The following BARD1 variants were observed in gnomAD, a reference collection of about 807,000 sequenced individuals.
The protein encoded by BARD1 is BRCA1 associated RING domain 1.
BARD1 carries 73 observed loss-of-function variants against 77.0 expected under a neutral mutation model. That is an observed-to-expected ratio of 0.95 (90% confidence interval 0.79 to 1.15). The LOEUF (loss-of-function observed/expected upper bound fraction) is 1.15, where lower values mean the gene tolerates loss of function less well. Among genes scored for constraint, BARD1 ranks in the 50% most tolerant of loss-of-function variants. BARD1 has a pLI of 0.00. For synonymous variants in BARD1, 384 were observed against 338.0 expected, an observed-to-expected ratio of 1.14 and a Z score of -1.49; for missense variants, 993 against 938.8, an observed-to-expected ratio of 1.06 and a Z score of -0.75.
intron 7 of BARD1, among the ~76,000 whole-genome samples, chr2:214,746,199 T>C (rs1394953204): frequency 6.6e-6 from 1 of 152,136 alleles, no homozygotes; most frequent in Admixed American, 6.6e-5. Flanking sequence ...AATTCCCTAT[T>C]CCACCTCCAC....
intron 6 of BARD1, among the ~76,000 whole-genome samples, chr2:214,764,028 G>T (rs1323292966): frequency 1.3e-5 from 2 of 152,168 alleles, no homozygotes; most frequent in Non-Finnish European, 2.9e-5. Flanking sequence ...ACATGCCATG[G>T]ATGCCAATTG....
intron 9 of BARD1, among the ~76,000 whole-genome samples, chr2:214,734,276 G>T (rs1692476407): frequency 6.6e-6 from 1 of 151,972 alleles, no homozygotes; most frequent in African/African-American, 2.4e-5. Context: ...CAGAGTTTTA[G>T]CCATTTATAG....
chr2:214,747,877 TAAAATAA>T (rs1298268111), intron 7 of BARD1, among the ~76,000 whole-genome samples: 2 of 150,862 alleles, frequency 1.3e-5, no homozygotes, highest in African/African-American at 4.9e-5. Context: ...TAAAATAAAA[TAAAATAA>T]AAAATAAAAA....
At chr2:214,754,205 G>A (rs1357870427) in intron 6 of BARD1, among the ~76,000 whole-genome samples, 1 of 151,456 alleles carries the variant, frequency 6.6e-6, no homozygotes, top group South Asian at 2.1e-4. Context: ...AAACCACCAA[G>A]TGCAAAAATG....
At chr2:214,779,183 A>G (rs1484487129) in intron 4 of BARD1, among the ~76,000 whole-genome samples, 1 of 152,168 alleles carries the variant, frequency 6.6e-6, no homozygotes, top group Non-Finnish European at 1.5e-5. Flanking sequence ...CACTGGTATC[A>G]GAAATAGAGT....
chr2:214,775,278 C>A (rs1316747980), intron 4 of BARD1, among the ~76,000 whole-genome samples: 1 of 152,132 alleles, frequency 6.6e-6, no homozygotes, highest in Non-Finnish European at 1.5e-5. Context: ...AGTGACTCTT[C>A]CTTCCACTTG....
At chr2:214,737,914 G>T (rs1331472936) in intron 9 of BARD1, among the ~76,000 whole-genome samples, 2 of 151,746 alleles carry the variant, frequency 1.3e-5, no homozygotes, top group Non-Finnish European at 2.9e-5. Context: ...CATCAGTTTA[G>T]TAGAAAGATG....
In BARD1 at chr2:214,725,700, G is replaced by A. The variant is rs1692055518; in HGVS notation, c.*2976C>T. On this transcript the variant is annotated 3_prime_UTR_variant, in exon 11 of 11. Transcript: ENST00000260947. ...GTTTGATGTGCGTATCTTTGAAAAG[G>A]GTTGACTTATAAAGAAATACATGAA... is the stretch of plus-strand genomic sequence containing the variant. 4.5e-6 allele frequency: 1 copy of A among 221,768 alleles called. No individual in the cohort carries two copies. Among genetic ancestry groups the A allele is most frequent in the Non-Finnish European group, 9.0e-6 (1 of 110,934 alleles). 13.7% of individuals were successfully genotyped at this position (221,768 alleles called of 1,614,324 possible).
At chr2:214,767,072 G>A (rs556636470) in intron 6 of BARD1, among the ~76,000 whole-genome samples, 11 of 152,172 alleles carry the variant, frequency 7.2e-5, no homozygotes, top group South Asian at 2.1e-4. Flanking sequence ...GAGAACATGC[G>A]GTATTTGGTT....
At chr2:214,729,078 G>A in intron 10 of BARD1, 70 bp from the exon 11 acceptor site, 3 of 1,420,052 alleles carry the variant, frequency 2.1e-6, no homozygotes, top group Non-Finnish European at 2.0e-6. Context: ...GTATATGAAT[G>A]AGGAAAATAA....
At chr2:214,790,950 T>G (rs181653843) in intron 3 of BARD1, among the ~76,000 whole-genome samples, 126 of 152,286 alleles carry the variant, frequency 8.3e-4, no homozygotes, top group African/African-American at 3.0e-3. Context: ...GAAAGGTAGA[T>G]CACACACCAA....
At chr2:214,796,931 T>A in intron 2 of BARD1, 130 bp downstream of exon 2, 2 of 787,252 alleles carry the variant, frequency 2.5e-6, no homozygotes, top group South Asian at 1.5e-5. Context: ...TAAGATAATG[T>A]ACAATAGGTT....
rs370000575 is a variant in BARD1 at position 214,792,382 on chromosome 2, T to C, written c.279A>G (p.Gln93=). 194 of 1,613,130 alleles carry C rather than the reference T, an allele frequency of 1.2e-4. No individual in the cohort carries two copies. The highest frequency in any genetic ancestry group is 1.6e-4 in the Non-Finnish European group (183 of 1,179,728). Residue 93 remains glutamine, a synonymous_variant, in exon 3 of 11, where the codon CAA becomes CAG. Transcript: ENST00000260947. Reference sequence around the variant, plus strand: ...CCAGTTGTCTATTTATCTTCAAGTCTTGTATCCAGGCCGGGGTGTAACACA... The same window carrying C: ...CCAGTTGTCTATTTATCTTCAAGTCCTGTATCCAGGCCGGGGTGTAACACA... ...CPVCYTPAWI[Q]DLKINRQLDS...
In BARD1 at chr2:214,727,228, A is replaced by C; in HGVS notation, c.*1448T>G. 4.4e-6 allele frequency: 1 copy of C among 227,728 alleles called. No individual in the cohort carries two copies. Among genetic ancestry groups the C allele is most frequent in the Non-Finnish European group, 8.7e-6 (1 of 114,590 alleles). The allele number at this position is 227,728 out of a possible 1,614,324, so 14.1% of individuals were successfully genotyped here. A position where few individuals can be genotyped will look rare whatever the true frequency, so the allele number is the denominator to read the frequency against. ...ATATGAAAAAACAACATGTCAAAGA[A>C]AGAATTAAAGCAAAATGTGTTTTCA... On this transcript the variant is annotated 3_prime_UTR_variant, in exon 11 of 11. Coordinates refer to ENST00000260947, the MANE Select transcript of BARD1 (RefSeq NM_000465.4).
chr2:214,727,068 T>C lies in BARD1; in HGVS notation c.*1608A>G, dbSNP rs1403071631. On this transcript the variant is annotated 3_prime_UTR_variant, in exon 11 of 11. Transcript: ENST00000260947. ...TTATCTAACGCCTCGGATTTTTGTTTGGTGCTATGGTGTTCATTTTCTATC... is the reference window on the plus strand; with the variant it reads ...TTATCTAACGCCTCGGATTTTTGTTCGGTGCTATGGTGTTCATTTTCTATC... The C allele has an allele frequency of 4.7e-6, 1 of 212,760 alleles. No homozygotes were observed. Among genetic ancestry groups the C allele is most frequent in the Non-Finnish European group, 9.5e-6 (1 of 105,732 alleles). 13.2% of individuals were successfully genotyped at this position (212,760 alleles called of 1,614,324 possible). A position where few individuals can be genotyped will look rare whatever the true frequency, so the allele number is the denominator to read the frequency against.
intron 9 of BARD1, 120 bp downstream of exon 9, chr2:214,744,947 T>C: frequency 1.1e-6 from 1 of 939,106 alleles, no homozygotes; most frequent in Non-Finnish European, 1.7e-6. Flanking sequence ...TTTTCCAAAA[T>C]GCAGTGACTA....
intron 2 of BARD1, among the ~76,000 whole-genome samples, chr2:214,794,811 A>G (rs1695686949): frequency 6.6e-6 from 1 of 152,230 alleles, no homozygotes. Context: ...TGCATGAATA[A>G]AAACAGCTAC....
In BARD1 at chr2:214,771,412, A is replaced by G. The variant is rs1353905379; in HGVS notation, c.1315-2100T>C. Among the ~76,000 whole-genome samples the G allele has an allele frequency of 2.6e-5, 4 of 152,008 alleles. No homozygotes were observed. The East Asian group carries it at 5.8e-4, about 22-fold the overall frequency. ...GAAATCACTAATTCTCCTAAATATA[A>G]TATTTGATTTTTTTTTCTTTTTAAA... On this transcript the variant is annotated intron_variant, in intron 4 of 10. Transcript: ENST00000260947.
In BARD1 at chr2:214,728,459, T is replaced by C. The variant is rs912044184; in HGVS notation, c.*217A>G. The C allele has an allele frequency of 5.3e-6, 3 of 569,442 alleles. No individual in the cohort carries two copies. Among genetic ancestry groups the C allele is most frequent in the Non-Finnish European group, 9.2e-6 (3 of 324,644 alleles). 35.3% of individuals were successfully genotyped at this position (569,442 alleles called of 1,614,324 possible). A position where few individuals can be genotyped will look rare whatever the true frequency, so the allele number is the denominator to read the frequency against. On this transcript the variant is annotated 3_prime_UTR_variant, in exon 11 of 11. Coordinates refer to ENST00000260947, the MANE Select transcript of BARD1 (RefSeq NM_000465.4). The stretch of plus-strand genomic sequence containing the variant: ...CATGATAAATCAAAAACATGCCAAT[T>C]TTAAAAAGAAAAACCTTTAAAAGCA...
Sources: gnomAD v4.1 joint callset for allele counts (sites outside exome capture counted in the v4.1 genomes callset) on GRCh38, gnomAD v4.1.1 for gene constraint, MANE v1.5 for transcripts, NCBI Gene and HGNC (gene_info 2026-07-23, HGNC 2026-07-21) for gene names.